Variants in ZNF217 observed in about 807,000 individuals in gnomAD.
ZNF217 encodes the protein zinc finger protein 217.
A neutral mutation model predicts 73.3 loss-of-function variants in ZNF217; 12 were observed. The ratio of observed to expected loss-of-function variants is 0.16; its 90% CI spans 0.10 to 0.27. The LOEUF (loss-of-function observed/expected upper bound fraction) is 0.27, where lower values mean the gene tolerates loss of function less well. ZNF217 is among the 10% of genes least tolerant of loss of function. The pLI, the probability that ZNF217 is intolerant of heterozygous loss-of-function variation, is 1.00. For synonymous variants in ZNF217, 588 were observed against 516.4 expected, an observed-to-expected ratio of 1.14 and a Z score of -1.88; for missense variants, 1,195 against 1,327.8, an observed-to-expected ratio of 0.90 and a Z score of 1.55.
At position 53,582,345 on chromosome 20, in the gene ZNF217, C is replaced by T; in HGVS notation, c.482G>A (p.Cys161Tyr). 1 of 1,610,752 alleles carries T rather than the reference C, an allele frequency of 6.2e-7. No homozygotes were observed. The highest frequency in any genetic ancestry group is 8.5e-7 in the Non-Finnish European group (1 of 1,178,032). The change falls in exon 2 of 6, where the codon TGC (cysteine) becomes TAC (tyrosine). Residue 161 changes from cysteine (C) to tyrosine (Y), a missense_variant. By Grantham distance (194) the Cys-to-Tyr change is radical (BLOSUM62 -2). Around this residue, in one of 9 missense-constraint regions of ZNF217, gnomAD observed 31 missense variants for 72.2 expected, o/e 0.43. Coordinates refer to ENST00000371471, the MANE Select transcript of ZNF217 (RefSeq NM_006526.3). The surrounding 1 kb of genome is among the most constrained non-coding windows in gnomAD (Gnocchi z 4.8). Reference protein sequence around the residue: ...KDSFTYGCNMCGRRFKEPWFL... With the variant: ...KDSFTYGCNMYGRRFKEPWFL... ...CCAAGGCTCCTTGAATCTTCTTCCG[C>T]ACATGTTACACCCGTAAGTGAAAGA...
Position 53,576,732 on chromosome 20 carries a change from G to A in ZNF217, c.2032C>T (p.Pro678Ser). Residue 678 changes from proline (P) to serine (S), a missense_variant, in exon 4 of 6, where the codon CCA becomes TCA. By Grantham distance (74) the Pro-to-Ser change is moderately conservative. Coordinates refer to ENST00000371471, the MANE Select transcript of ZNF217 (RefSeq NM_006526.3). ...TETAADCRYR[P>S]SVDCHEKPLN... ...GGTTTTTCGTGACAATCCACACTTG[G>A]CCTGTATCTGCAGTCAGCTGCGGTC... 5.6e-6 allele frequency: 9 copies of A among 1,614,198 alleles called. No homozygotes were observed. Among genetic ancestry groups the A allele is most frequent in the Non-Finnish European group, 6.8e-6 (8 of 1,180,044 alleles).
upstream of ZNF217, among the ~76,000 whole-genome samples, chr20:53,595,507 G>A (rs1017299413): frequency 6.6e-6 from 1 of 152,218 alleles, no homozygotes; most frequent in Non-Finnish European, 1.5e-5. Context: ...CAAAGGGGAA[G>A]AATTTGCCAA....
chr20:53,581,385 T>G lies in ZNF217; in HGVS notation c.1366+76A>C. On this transcript the variant is annotated intron_variant, in intron 2 of 5. Coordinates refer to ENST00000371471, the MANE Select transcript of ZNF217 (RefSeq NM_006526.3). The surrounding 1 kb of genome is among the most constrained non-coding windows in gnomAD (Gnocchi z 4.9). ...ATTCCTGGCCAGCGTTGTCTGGAGA[T>G]GGGAATAGAGAGGGGGAGACGGGGA... 2 of 1,509,742 alleles carry G rather than the reference T, an allele frequency of 1.3e-6. No individual in the cohort carries two copies. Among genetic ancestry groups the G allele is most frequent in the Non-Finnish European group, 1.8e-6 (2 of 1,133,314 alleles). The allele number at this position is 1,509,742 out of a possible 1,614,324, so 93.5% of individuals were successfully genotyped here. A position where few individuals can be genotyped will look rare whatever the true frequency, so the allele number is the denominator to read the frequency against.
chr20:53,576,536 C>A lies in ZNF217; in HGVS notation c.2228G>T (p.Cys743Phe). 1.2e-6 allele frequency: 2 copies of A among 1,614,222 alleles called. No homozygotes were observed. The highest frequency in any genetic ancestry group is 2.7e-5 in the African/African-American group (2 of 75,054). Residue 743 changes from cysteine (C) to phenylalanine (F), a missense_variant, in exon 4 of 6, where the codon TGT becomes TTT. By Grantham distance (205) the Cys-to-Phe change is radical. Around this residue, in one of 9 missense-constraint regions of ZNF217, gnomAD observed 649 missense variants for 642.8 expected, o/e 1.01. Coordinates refer to ENST00000371471, the MANE Select transcript of ZNF217 (RefSeq NM_006526.3). ...ACTTCTAAGCAAGGACTTGTTTCGA[C>A]AGTTTTTATGAACGTCAGGATTGTA... ...HKYNPDVHKNCRNKSLLRSRR... is the reference protein window; with the variant it reads ...HKYNPDVHKNFRNKSLLRSRR...
intron 1 of ZNF217, among the ~76,000 whole-genome samples, chr20:53,587,918 A>G (rs1988752969): frequency 6.6e-6 from 1 of 151,436 alleles, no homozygotes; most frequent in Non-Finnish European, 1.5e-5. Context: ...ATTCTTCAAC[A>G]CTGTTTCAAG....
At chr20:53,585,098 A>G (rs1329692734) in intron 1 of ZNF217, among the ~76,000 whole-genome samples, 3 of 138,668 alleles carry the variant, frequency 2.2e-5, no homozygotes, top group Admixed American at 6.9e-5. Flanking sequence ...AGAATTTGAA[A>G]AAAAAAAAAA....
chr20:53,595,480 T>G (rs192876216), upstream of ZNF217, among the ~76,000 whole-genome samples: 4 of 152,334 alleles, frequency 2.6e-5, no homozygotes, highest in East Asian at 7.7e-4. Flanking sequence ...GAAAAGGAAT[T>G]TGAGAAGACA....
At chr20:53,569,324 T>A (rs989346211) in intron 5 of ZNF217, 60 bp from the exon 6 acceptor site, 1 of 1,183,772 alleles carries the variant, frequency 8.4e-7, no homozygotes, top group Non-Finnish European at 1.1e-6. Context: ...TTTAGAAAAT[T>A]CTTTCTTTAA....
In ZNF217 at chr20:53,581,940, A is replaced by C; in HGVS notation, c.887T>G (p.Phe296Cys). 3 of 1,614,094 alleles carry C rather than the reference A, an allele frequency of 1.9e-6. No individual in the cohort carries two copies. Among genetic ancestry groups the C allele is most frequent in the Non-Finnish European group, 2.5e-6 (3 of 1,180,010 alleles). The stretch of plus-strand genomic sequence containing the variant: ...TTTGGTAGCCAGCTGCCAAGCCTGG[A>C]AGGTGGTGAACGGATCGAGCTGAGG... ...CIPQLDPFTT[F>C]QAWQLATKGK... The change falls in exon 2 of 6, where the codon TTC becomes TGC. Residue 296 changes from phenylalanine (F) to cysteine (C), a missense_variant. Coordinates refer to ENST00000371471, the MANE Select transcript of ZNF217 (RefSeq NM_006526.3). This position sits in a 1 kb window ranked among gnomAD's most constrained non-coding sequence, Gnocchi z 4.9.
intron 2 of ZNF217, among the ~76,000 whole-genome samples, chr20:53,578,820 A>C (rs943421319): frequency 1.3e-5 from 2 of 152,226 alleles, no homozygotes; most frequent in Non-Finnish European, 2.9e-5. Flanking sequence ...GTGGACATAC[A>C]TACTGGCGGG....
intron 4 of ZNF217, among the ~76,000 whole-genome samples, chr20:53,573,408 A>G (rs970705578): frequency 1.3e-5 from 2 of 152,040 alleles, no homozygotes; most frequent in Non-Finnish European, 2.9e-5. Context: ...AATTTGCAGT[A>G]TTGTAGCGTA....
chr20:53,578,482 A>G, intron 2 of ZNF217, 32 bp from the exon 3 acceptor site: 2 of 1,350,468 alleles, frequency 1.5e-6, no homozygotes, highest in Non-Finnish European at 2.0e-6. Context: ...TTTATATAAG[A>G]AGGTAGCTGA....
chr20:53,594,192 G>A (rs1470478357), upstream of ZNF217, among the ~76,000 whole-genome samples: 6 of 151,746 alleles, frequency 4.0e-5, no homozygotes, highest in Non-Finnish European at 7.4e-5. Flanking sequence ...CGCGGGGACA[G>A]TGCAGGCGCG....
rs1471943729 is a variant in ZNF217 at position 53,571,769 on chromosome 20, T to C, written c.3122A>G (p.Tyr1041Cys). The change falls in exon 5 of 6, where the codon TAT (tyrosine) becomes TGT (cysteine). Residue 1041 changes from tyrosine (Y) to cysteine (C), a missense_variant. Coordinates refer to ENST00000371471, the MANE Select transcript of ZNF217 (RefSeq NM_006526.3). The part of the protein sequence containing the change: ...NYENFIGNAH[Y>C]RPNDKKT ...TCAAGTTTTTTTGTCATTTGGTCGA[T>C]AATGTGCATTCCCAATAAAATTCTC... is the stretch of plus-strand genomic sequence containing the variant. 1 of 1,613,166 alleles carries C rather than the reference T, an allele frequency of 6.2e-7. No homozygotes were observed. The highest frequency in any genetic ancestry group is 1.7e-5 in the Admixed American group (1 of 59,808).
intron 2 of ZNF217, among the ~76,000 whole-genome samples, chr20:53,580,554 G>A (rs142944144): frequency 5.8e-4 from 88 of 152,252 alleles, no homozygotes; most frequent in Non-Finnish European, 1.0e-3. Context: ...AAACACAGGT[G>A]GAATCCTTTG....
chr20:53,568,220 C>G lies in ZNF217; in HGVS notation c.*1068G>C, dbSNP rs1053554031. 1 of 152,142 alleles carries G rather than the reference C, an allele frequency of 6.6e-6. No homozygotes were observed. Among genetic ancestry groups the G allele is most frequent in the Non-Finnish European group, 1.5e-5 (1 of 68,026 alleles). 9.4% of individuals were successfully genotyped at this position (152,142 alleles called of 1,614,324 possible). ...AATCAACTCTAGTATGTCCACAGTT[C>G]ACCCAAATGCCAGATACATTAAGAC... On this transcript the variant is annotated 3_prime_UTR_variant, in exon 6 of 6. Transcript: ENST00000371471.
chr20:53,580,336 C>T, intron 2 of ZNF217, among the ~76,000 whole-genome samples: 1 of 152,186 alleles, frequency 6.6e-6, no homozygotes, highest in Non-Finnish European at 1.5e-5. Flanking sequence ...TCAAGTGACA[C>T]TGAGAGGAGG....
At position 53,567,268 on chromosome 20, in the gene ZNF217, T is replaced by G. The variant is rs768780833; in HGVS notation, c.*2020A>C. 5 of 152,422 alleles carry G rather than the reference T, an allele frequency of 3.3e-5. No homozygotes were observed. The highest frequency in any genetic ancestry group is 5.9e-5 in the Non-Finnish European group (4 of 68,018). The allele number at this position is 152,422 out of a possible 1,614,324, so 9.4% of individuals were successfully genotyped here. A position where few individuals can be genotyped will look rare whatever the true frequency, so the allele number is the denominator to read the frequency against. On this transcript the variant is annotated 3_prime_UTR_variant, in exon 6 of 6. Transcript: ENST00000371471. ...TACCTCTATTATATGTACTGTTGTC[T>G]CAAAGAAAAAAAAATATAAAACCAG...
Position 53,582,878 on chromosome 20 carries a change from G to T in ZNF217, c.-52C>A, listed in dbSNP as rs763887037. The T allele has an allele frequency of 2.0e-6, 3 of 1,538,452 alleles. No homozygotes were observed. Among genetic ancestry groups the T allele is most frequent in the Non-Finnish European group, 2.6e-6 (3 of 1,141,322 alleles). On this transcript the variant is annotated 5_prime_UTR_variant, in exon 2 of 6. Coordinates refer to ENST00000371471, the MANE Select transcript of ZNF217 (RefSeq NM_006526.3). This position sits in a 1 kb window ranked among gnomAD's most constrained non-coding sequence, Gnocchi z 4.8. ...TTCTGGAGTTGGAATAAGGCCACTT[G>T]TAAGACTTGTCACTCACCCCTCTAA... is the stretch of plus-strand genomic sequence containing the variant.
Sources: allele counts gnomAD v4.1 joint callset (sites outside exome capture counted in the v4.1 genomes callset), GRCh38; gene constraint gnomAD v4.1.1; regional missense constraint gnomAD v4.1.1; non-coding constraint Gnocchi (gnomAD v3.1); transcripts MANE v1.5; gene names NCBI Gene and HGNC (gene_info 2026-07-23, HGNC 2026-07-21).